The following SLC2A13 variants were observed in gnomAD, a reference collection of about 807,000 sequenced individuals.
SLC2A13 encodes proton myo-inositol cotransporter.
A neutral mutation model predicts 64.4 loss-of-function variants in SLC2A13; 32 were observed. The observed-to-expected ratio is 0.50, with a 90% confidence interval of 0.37 to 0.67. SLC2A13 has a LOEUF of 0.67. SLC2A13 is among the 30% of genes least tolerant of loss of function. The pLI, the probability that SLC2A13 is intolerant of heterozygous loss-of-function variation, is 0.00. For missense variants in SLC2A13, 743 were observed against 829.2 expected, an observed-to-expected ratio of 0.90 and a Z score of 1.28; for synonymous variants, 338 against 327.1, an observed-to-expected ratio of 1.03 and a Z score of -0.36.
At chr12:39,850,604 C>T (rs1043333795) in intron 6 of SLC2A13, among the ~76,000 whole-genome samples, 11 of 152,146 alleles carry the variant, frequency 7.2e-5, no homozygotes, top group African/African-American at 1.4e-4. Context: ...CATTAGTATA[C>T]GGTAATTGCC....
chr12:40,075,557 A>G (rs1938138220), intron 1 of SLC2A13, among the ~76,000 whole-genome samples: 1 of 152,164 alleles, frequency 6.6e-6, no homozygotes, highest in Non-Finnish European at 1.5e-5. Flanking sequence ...CAATTTGATT[A>G]TAATATTATC....
chr12:39,778,966 T>C (rs1209641298), intron 7 of SLC2A13, among the ~76,000 whole-genome samples: 1 of 152,134 alleles, frequency 6.6e-6, no homozygotes, highest in East Asian at 1.9e-4. Context: ...GAAAAACCAC[T>C]AATTGCAGGG....
intron 6 of SLC2A13, among the ~76,000 whole-genome samples, chr12:39,859,523 TTG>T (rs1943702113): frequency 6.6e-6 from 1 of 151,926 alleles, no homozygotes; most frequent in Admixed American, 6.6e-5. Context: ...TGAGAAGTTT[TTG>T]TTTGTTTGCT....
chr12:39,896,027 C>T (rs1944817272), intron 4 of SLC2A13, among the ~76,000 whole-genome samples: 1 of 130,986 alleles, frequency 7.6e-6, no homozygotes, highest in African/African-American at 2.9e-5. Context: ...TGTATACATA[C>T]ATGCATATGT....
chr12:40,009,598 T>G (rs1021599188), intron 3 of SLC2A13, among the ~76,000 whole-genome samples: 1 of 152,116 alleles, frequency 6.6e-6, no homozygotes, highest in South Asian at 2.1e-4. Context: ...CCCAGCCAAT[T>G]TTTTAAAAAA....
chr12:39,815,337 C>CTAT (rs1359842971), intron 7 of SLC2A13, among the ~76,000 whole-genome samples: 5 of 152,190 alleles, frequency 3.3e-5, no homozygotes, highest in African/African-American at 1.2e-4. Context: ...TTATTGTTAA[C>CTAT]TATTGTCATT....
At chr12:39,905,519 C>T (rs944506547) in intron 4 of SLC2A13, among the ~76,000 whole-genome samples, 4 of 152,060 alleles carry the variant, frequency 2.6e-5, no homozygotes, top group Non-Finnish European at 4.4e-5. Context: ...TTCTCATTTA[C>T]AAATATGGTC....
chr12:39,784,108 A>C (rs1167593322), intron 7 of SLC2A13, among the ~76,000 whole-genome samples: 3 of 152,246 alleles, frequency 2.0e-5, no homozygotes, highest in African/African-American at 7.2e-5. Flanking sequence ...TTCCATGCTC[A>C]TGGATAGGAA....
chr12:39,764,763 A>G lies in SLC2A13; in HGVS notation c.1541T>C (p.Ile514Thr). The G allele has an allele frequency of 1.1e-5, 18 of 1,612,852 alleles. No individual in the cohort carries two copies. The highest frequency in any genetic ancestry group is 1.5e-5 in the Non-Finnish European group (18 of 1,179,328). ...AGGTGCAAAGAAGACAAGATATAAA[A>G]TAAGGCCCAGAAGTGCAGTCCAGGA... is the stretch of plus-strand genomic sequence containing the variant. Reference protein sequence around the residue: ...PYSWTALLGLILYLVFFAPGM... With the variant: ...PYSWTALLGLTLYLVFFAPGM... Residue 514 changes from isoleucine to threonine, a missense_variant, in exon 8 of 10, where the codon ATT becomes ACT. Ile to Thr is a moderately conservative substitution (Grantham distance 89, BLOSUM62 -1). This residue lies in a region of SLC2A13 where 295 missense variants were observed against 381.7 expected (regional missense o/e 0.77). Transcript: ENST00000280871.
At chr12:40,036,399 C>T (rs1485504516) in intron 2 of SLC2A13, among the ~76,000 whole-genome samples, 1 of 152,150 alleles carries the variant, frequency 6.6e-6, no homozygotes, top group Non-Finnish European at 1.5e-5. Context: ...TATGCACACC[C>T]TTGTAAACAC....
intron 4 of SLC2A13, among the ~76,000 whole-genome samples, chr12:39,915,320 A>G (rs1945504962): frequency 6.6e-6 from 1 of 152,060 alleles, no homozygotes; most frequent in South Asian, 2.1e-4. Flanking sequence ...AATTTTCAGT[A>G]ATGTTAATCA....
intron 3 of SLC2A13, among the ~76,000 whole-genome samples, chr12:39,952,400 G>A (rs11564285): frequency 0.1 from 15,716 of 152,028 alleles, 859 homozygotes; most frequent in East Asian, 0.19. Flanking sequence ...AACCAAGTCC[G>A]GTAAATTAAA....
At chr12:40,020,987 G>C (rs1357716588) in intron 3 of SLC2A13, among the ~76,000 whole-genome samples, 2 of 151,216 alleles carry the variant, frequency 1.3e-5, no homozygotes, top group Non-Finnish European at 2.9e-5. Flanking sequence ...TGAACCTAAC[G>C]GTAAGTGGGA....
chr12:39,848,981 T>G (rs1448558051), intron 6 of SLC2A13, among the ~76,000 whole-genome samples: 1 of 151,946 alleles, frequency 6.6e-6, no homozygotes, highest in Non-Finnish European at 1.5e-5. Flanking sequence ...TAAGAACTTA[T>G]GAACACAAAG....
intron 4 of SLC2A13, among the ~76,000 whole-genome samples, chr12:39,942,639 G>A (rs751605356): frequency 1.2e-4 from 18 of 152,142 alleles, no homozygotes; most frequent in East Asian, 5.8e-4. Flanking sequence ...GGTTATTCTC[G>A]TTAGCAATTA....
At chr12:39,920,214 CCTT>C (rs1252384789) in intron 4 of SLC2A13, among the ~76,000 whole-genome samples, 1 of 152,066 alleles carries the variant, frequency 6.6e-6, no homozygotes, top group Non-Finnish European at 1.5e-5. Context: ...TATTTTTTAA[CCTT>C]TTTTCTATAC....
chr12:40,092,308 C>T (rs1297972796), intron 1 of SLC2A13, among the ~76,000 whole-genome samples: 1 of 152,146 alleles, frequency 6.6e-6, no homozygotes, highest in African/African-American at 2.4e-5. Context: ...GCTTAAAATG[C>T]AATATTAAGA....
intron 3 of SLC2A13, among the ~76,000 whole-genome samples, chr12:39,975,960 TCTAAG>T (rs1184065583): frequency 6.6e-6 from 1 of 152,218 alleles, no homozygotes; most frequent in East Asian, 1.9e-4. Context: ...AGTGCTCCAT[TCTAAG>T]CTAAGTTTCC....
chr12:40,043,359 G>C (rs1592033630), intron 2 of SLC2A13, among the ~76,000 whole-genome samples: 2 of 152,068 alleles, frequency 1.3e-5, no homozygotes, highest in South Asian at 4.2e-4. Flanking sequence ...GACAGGTATG[G>C]TGACTCACAC....
Sources: allele counts gnomAD v4.1 joint callset (sites outside exome capture counted in the v4.1 genomes callset), GRCh38; gene constraint gnomAD v4.1.1; regional missense constraint gnomAD v4.1.1; transcripts MANE v1.5; gene names NCBI Gene and HGNC (gene_info 2026-07-23, HGNC 2026-07-21).